The following ACTR3C variants were observed in gnomAD, a reference collection of about 807,000 sequenced individuals.
ACTR3C encodes the protein actin related protein 3C, also known as actin-related protein 3C.
In ACTR3C, 18 loss-of-function variants were observed where a neutral mutation model predicts 26.3. The ratio of observed to expected loss-of-function variants is 0.68; its 90% CI spans 0.47 to 1.01. The LOEUF is 1.01. ACTR3C is among the 50% of genes least tolerant of loss of function. The pLI, the probability that ACTR3C is intolerant of heterozygous loss-of-function variation, is 0.00. For missense variants in ACTR3C, 184 were observed against 250.7 expected (o/e 0.73, Z 1.80); for synonymous variants, 55 against 94.5 (o/e 0.58, Z 2.42).
chr7:150,171,993 G>T, the ACTR3C span, among the ~76,000 whole-genome samples: 1 of 150,538 alleles, frequency 6.6e-6, no homozygotes. Context: ...TTGTATTTTA[G>T]TAGAGACGGG....
the ACTR3C span, chr7:149,881,972 A>C: frequency 1.3e-5 from 2 of 152,860 alleles, no homozygotes; most frequent in East Asian, 3.9e-4. Context: ...GTGGGGGGTG[A>C]GAAACACAGT....
the ACTR3C span, among the ~76,000 whole-genome samples, chr7:150,107,344 A>T: frequency 6.6e-6 from 1 of 151,840 alleles, no homozygotes; most frequent in Non-Finnish European, 1.5e-5. Context: ...TCAACTTTGA[A>T]GAAGACACAG....
rs2129608861 is a variant in ACTR3C, at chr7:150,247,415, T to C, written c.*193A>G. 1 of 150,388 alleles carries C rather than the reference T, an allele frequency of 6.6e-6. No individual in the cohort carries two copies. The highest frequency in any genetic ancestry group is 2.1e-4 in the South Asian group (1 of 4,652). 9.3% of individuals were successfully genotyped at this position (150,388 alleles called of 1,614,324 possible). A position where few individuals can be genotyped will look rare whatever the true frequency, so the allele number is the denominator to read the frequency against. On this transcript the variant is annotated 3_prime_UTR_variant, in exon 8 of 8. Transcript: ENST00000683684. The stretch of plus-strand genomic sequence containing the variant: ...GTAGTAAGGATGCAACAGTTTGTGG[T>C]TCTCTAGAGAGCTTTGCCACCAGTT...
the ACTR3C span, among the ~76,000 whole-genome samples, chr7:150,042,409 C>A: frequency 6.7e-6 from 1 of 148,236 alleles, no homozygotes; most frequent in Admixed American, 6.6e-5. Context: ...CGCTCTCAGT[C>A]CCCGCGTCGC....
chr7:150,321,877 G>A (rs757677410), intron 1 of ACTR3C, among the ~76,000 whole-genome samples: 2 of 152,218 alleles, frequency 1.3e-5, no homozygotes, highest in East Asian at 1.9e-4. Context: ...GCAGGAGAAG[G>A]GTCATCTGAA....
chr7:150,221,421 T>G, the ACTR3C span, among the ~76,000 whole-genome samples: 2 of 152,192 alleles, frequency 1.3e-5, no homozygotes, highest in African/African-American at 4.8e-5. Flanking sequence ...AGCTGCTTCA[T>G]GAAGACTGCA....
chr7:150,154,867 T>G, the ACTR3C span, among the ~76,000 whole-genome samples: 2 of 152,062 alleles, frequency 1.3e-5, no homozygotes, highest in African/African-American at 4.8e-5. Context: ...ATTGCCTGGG[T>G]GAGGAATTGG....
At chr7:150,240,324 T>C (rs1315603323), downstream of ACTR3C, among the ~76,000 whole-genome samples, 2 of 152,220 alleles carry the variant, frequency 1.3e-5, no homozygotes, top group Non-Finnish European at 2.9e-5. Context: ...AAACCTCGTC[T>C]TTCTAATTGG....
chr7:149,893,016 C>T, the ACTR3C span, among the ~76,000 whole-genome samples: 1 of 152,054 alleles, frequency 6.6e-6, no homozygotes, highest in Non-Finnish European at 1.5e-5. Flanking sequence ...TTAATAAGAT[C>T]TTAACCTTAA....
the ACTR3C span, among the ~76,000 whole-genome samples, chr7:150,035,259 GCTGGCTCT>G: frequency 1.3e-5 from 1 of 79,278 alleles, no homozygotes; most frequent in Non-Finnish European, 2.9e-5. Context: ...GGAACCAGGG[GCTGGCTCT>G]CAGTCCCTGC....
At chr7:149,903,766 A>C in the ACTR3C span, among the ~76,000 whole-genome samples, 2 of 145,554 alleles carry the variant, frequency 1.4e-5, no homozygotes, top group African/African-American at 5.0e-5. Context: ...CTGGTCTCAA[A>C]CTCCTGGGCT....
chr7:149,931,674 G>T, the ACTR3C span, among the ~76,000 whole-genome samples: 1 of 152,190 alleles, frequency 6.6e-6, no homozygotes, highest in Non-Finnish European at 1.5e-5. Flanking sequence ...ATTAAAAGAA[G>T]GAAGAAGGGG....
chr7:149,900,573 T>C, the ACTR3C span, among the ~76,000 whole-genome samples: 1 of 151,804 alleles, frequency 6.6e-6, no homozygotes. Flanking sequence ...GGAATTTGGG[T>C]ACATCAAGAA....
the ACTR3C span, among the ~76,000 whole-genome samples, chr7:149,983,721 A>T: frequency 6.6e-6 from 1 of 151,892 alleles, no homozygotes; most frequent in Non-Finnish European, 1.5e-5. Flanking sequence ...TGTGGAAACC[A>T]TCTAAATGCT....
the ACTR3C span, among the ~76,000 whole-genome samples, chr7:149,941,139 A>G: frequency 0.032 from 4,921 of 152,316 alleles, 250 homozygotes; most frequent in African/African-American, 0.11. Flanking sequence ...ACCCAGCAAC[A>G]GTGGGGCAAG....
At chr7:150,069,574 T>C in the ACTR3C span, among the ~76,000 whole-genome samples, 1 of 151,982 alleles carries the variant, frequency 6.6e-6, no homozygotes, top group Non-Finnish European at 1.5e-5. Flanking sequence ...CAGTAAGAGA[T>C]AAAAGCCAGG....
At chr7:150,055,824 T>A in the ACTR3C span, among the ~76,000 whole-genome samples, 1 of 152,166 alleles carries the variant, frequency 6.6e-6, no homozygotes, top group Non-Finnish European at 1.5e-5. Flanking sequence ...TTTCAAACAC[T>A]GATTTCATAA....
the ACTR3C span, among the ~76,000 whole-genome samples, chr7:150,175,000 C>T: frequency 6.8e-6 from 1 of 146,114 alleles, no homozygotes; most frequent in Non-Finnish European, 1.5e-5. Context: ...TGAGGTGATT[C>T]TAAAATTCAT....
At chr7:150,039,407 C>A in the ACTR3C span, among the ~76,000 whole-genome samples, 1 of 57,860 alleles carries the variant, frequency 1.7e-5, no homozygotes, top group Non-Finnish European at 3.9e-5. Context: ...GGAAGAGGGA[C>A]TGGCTCTCAG....
Sources: gnomAD v4.1 joint callset for allele counts (sites outside exome capture counted in the v4.1 genomes callset) on GRCh38, gnomAD v4.1.1 for gene constraint, MANE v1.5 for transcripts, NCBI Gene and HGNC (gene_info 2026-07-23, HGNC 2026-07-21) for gene names.